Variants in LOC128092252 observed in about 807,000 individuals in gnomAD.
chr15:50,683,984 C>G, the LOC128092252 span, among the ~76,000 whole-genome samples: 53 of 151,732 alleles, frequency 3.5e-4, no homozygotes, highest in Non-Finnish European at 6.0e-4. Flanking sequence ...CTCAGCCTCA[C>G]GAGTAGCTGG....
chr15:50,683,234 A>C, the LOC128092252 span, among the ~76,000 whole-genome samples: 1 of 31,614 alleles, frequency 3.2e-5, no homozygotes, highest in East Asian at 1.1e-3. Context: ...GCAGTCACTT[A>C]AAAAAAAAAA....
chr15:50,656,061 T>C, the LOC128092252 span, among the ~76,000 whole-genome samples: 38 of 151,040 alleles, frequency 2.5e-4, no homozygotes, highest in African/African-American at 9.2e-4. Context: ...GAATTCTATA[T>C]CCAGTGAAAA....
chr15:50,680,309 G>A, the LOC128092252 span, among the ~76,000 whole-genome samples: 4 of 152,106 alleles, frequency 2.6e-5, no homozygotes, highest in Non-Finnish European at 5.9e-5. Context: ...AGGAGGCCAA[G>A]GCAGGTAGAT....
chr15:50,679,511 A>ATATAT, the LOC128092252 span, among the ~76,000 whole-genome samples: 1 of 75,438 alleles, frequency 1.3e-5, no homozygotes, highest in South Asian at 3.9e-4. Context: ...GTATATATAT[A>ATATAT]ATATATATAT....
chr15:50,680,996 T>C, the LOC128092252 span, among the ~76,000 whole-genome samples: 1 of 152,150 alleles, frequency 6.6e-6, no homozygotes, highest in Non-Finnish European at 1.5e-5. Flanking sequence ...CTCATGCCTG[T>C]AATCCCAGCA....
chr15:50,664,012 A>G, the LOC128092252 span, among the ~76,000 whole-genome samples: 1 of 152,018 alleles, frequency 6.6e-6, no homozygotes, highest in Non-Finnish European at 1.5e-5. Context: ...TAGAATTGAC[A>G]GATTTGGCCG....
the LOC128092252 span, among the ~76,000 whole-genome samples, chr15:50,679,492 T>G: frequency 8.3e-6 from 1 of 120,122 alleles, no homozygotes; most frequent in African/African-American, 3.2e-5. Context: ...ATATATATTA[T>G]ATATATGTGT....
At chr15:50,676,813 G>A in the LOC128092252 span, among the ~76,000 whole-genome samples, 1 of 152,032 alleles carries the variant, frequency 6.6e-6, no homozygotes, top group African/African-American at 2.4e-5. Flanking sequence ...AACAGCAGCT[G>A]GAAAGTGATG....
the LOC128092252 span, among the ~76,000 whole-genome samples, chr15:50,682,173 C>CAAAAAAAAAAAGAAA: frequency 1.6e-5 from 1 of 63,684 alleles, no homozygotes; most frequent in African/African-American, 6.7e-5. Context: ...AACTCAGTCT[C>CAAAAAAAAAAAGAAA]AAAAAAAAAA....
the LOC128092252 span, among the ~76,000 whole-genome samples, chr15:50,665,597 A>C: frequency 6.6e-6 from 1 of 152,224 alleles, no homozygotes; most frequent in African/African-American, 2.4e-5. Flanking sequence ...TTAAATTCTT[A>C]GAAGTGAATA....
chr15:50,652,256 C>G, the LOC128092252 span, among the ~76,000 whole-genome samples: 1 of 137,438 alleles, frequency 7.3e-6, no homozygotes, highest in Non-Finnish European at 1.5e-5. Context: ...TTGCTTGAAC[C>G]TGGGAGGCGG....
At chr15:50,665,369 G>A in the LOC128092252 span, among the ~76,000 whole-genome samples, 1 of 150,128 alleles carries the variant, frequency 6.7e-6, no homozygotes, top group Non-Finnish European at 1.5e-5. Flanking sequence ...ACTCCAGCCT[G>A]GGTGAAAAGA....
chr15:50,670,072 G>A, the LOC128092252 span, among the ~76,000 whole-genome samples: 1 of 152,182 alleles, frequency 6.6e-6, no homozygotes, highest in East Asian at 1.9e-4. Context: ...GTTATGGATG[G>A]CCCTCAGCAA....
chr15:50,659,401 C>T, the LOC128092252 span, among the ~76,000 whole-genome samples: 2 of 152,082 alleles, frequency 1.3e-5, no homozygotes, highest in African/African-American at 2.4e-5. Flanking sequence ...AAGCACAGTA[C>T]TGGAAAGGAG....
chr15:50,651,092 T>C, the LOC128092252 span, among the ~76,000 whole-genome samples: 6 of 151,738 alleles, frequency 4.0e-5, no homozygotes, highest in East Asian at 1.2e-3. Context: ...GAAGCTGAGA[T>C]GGGAGGACTG....
the LOC128092252 span, among the ~76,000 whole-genome samples, chr15:50,667,581 C>T: frequency 6.6e-6 from 1 of 152,144 alleles, no homozygotes; most frequent in Non-Finnish European, 1.5e-5. Flanking sequence ...GTGCCTTGCA[C>T]CTGTAATCCC....
At chr15:50,667,201 T>C in the LOC128092252 span, among the ~76,000 whole-genome samples, 1 of 152,130 alleles carries the variant, frequency 6.6e-6, no homozygotes, top group African/African-American at 2.4e-5. Context: ...AGAAACATGC[T>C]CTTGGCCCCC....
At chr15:50,648,842 C>T in the LOC128092252 span, 7 of 1,611,910 alleles carry the variant, frequency 4.3e-6, no homozygotes, top group Non-Finnish European at 5.9e-6. Flanking sequence ...GCAAGACTTG[C>T]AGTAAAACAA....
the LOC128092252 span, among the ~76,000 whole-genome samples, chr15:50,670,793 T>C: frequency 7.1e-6 from 1 of 140,534 alleles, no homozygotes; most frequent in Non-Finnish European, 1.5e-5. Context: ...TTCACTTTAC[T>C]GTAAAAAAAA....
Sources: gnomAD v4.1 joint callset for allele counts (sites outside exome capture counted in the v4.1 genomes callset) on GRCh38, gnomAD v4.1.1 for gene constraint, MANE v1.5 for transcripts.